Variants in PTPRD observed in about 807,000 individuals in gnomAD.
PTPRD encodes protein tyrosine phosphatase receptor type D.
A neutral mutation model predicts 214.5 loss-of-function variants in PTPRD; 34 were observed. That is an observed-to-expected ratio of 0.16 (90% CI 0.12 to 0.21). The LOEUF (loss-of-function observed/expected upper bound fraction) is 0.21, where lower values mean the gene tolerates loss of function less well. Ranked by LOEUF, PTPRD falls within the 10% of genes least tolerant of loss-of-function variation. The pLI is 1.00. For missense variants in PTPRD, 2,545 were observed against 2,398.7 expected, an observed-to-expected ratio of 1.06 and a Z score of -1.27; for synonymous variants, 1,128 against 845.7, an observed-to-expected ratio of 1.33 and a Z score of -5.79.
chr9:9,545,486 G>A lies in PTPRD; in HGVS notation c.-237+29246C>T, dbSNP rs184007415. 2.0e-3 allele frequency among the ~76,000 whole-genome samples: 297 copies of A among 151,916 alleles called. 4 individuals carry two copies. The highest frequency in any genetic ancestry group is 5.8e-3 in the African/African-American group (242 of 41,500). The stretch of plus-strand genomic sequence containing the variant: ...GTTTTTAAAATTCTATTGTTTAGAT[G>A]TGCCACACTTTATCCATTCACCTAT... On this transcript the variant is annotated intron_variant, in intron 8 of 45. Coordinates refer to ENST00000381196, the MANE Select transcript of PTPRD (RefSeq NM_002839.4).
intron 7 of PTPRD, among the ~76,000 whole-genome samples, chr9:9,616,734 T>TTAGC (rs2154349510): frequency 1.3e-5 from 2 of 152,282 alleles, no homozygotes; most frequent in Admixed American, 1.3e-4. Context: ...CACCCCTTGT[T>TTAGC]TAGCATATGA....
At chr9:8,771,083 A>C (rs1042756663) in intron 11 of PTPRD, among the ~76,000 whole-genome samples, 2 of 151,662 alleles carry the variant, frequency 1.3e-5, no homozygotes, top group Non-Finnish European at 2.9e-5. Flanking sequence ...TGGGAGGCTG[A>C]GGCAGGAGAA....
At chr9:8,550,912 C>T (rs1368469357) in intron 14 of PTPRD, among the ~76,000 whole-genome samples, 1 of 152,328 alleles carries the variant, frequency 6.6e-6, no homozygotes, top group East Asian at 1.9e-4. Flanking sequence ...TCTCCACGGG[C>T]CTGTCTTCGA....
intron 30 of PTPRD, among the ~76,000 whole-genome samples, chr9:8,481,831 G>A (rs957631342): frequency 6.6e-6 from 1 of 152,118 alleles, no homozygotes; most frequent in South Asian, 2.1e-4. Flanking sequence ...TGCTCAGGCT[G>A]AAGTGCAGTG....
chr9:9,610,913 C>G (rs982542896), intron 7 of PTPRD, among the ~76,000 whole-genome samples: 73 of 152,220 alleles, frequency 4.8e-4, no homozygotes, highest in African/African-American at 1.7e-3. Flanking sequence ...CCAGGGGCTA[C>G]CATTTCACTG....
At chr9:9,467,588 C>CAAAGAAAAAAAAAA (rs2094287005) in intron 8 of PTPRD, among the ~76,000 whole-genome samples, 1 of 55,954 alleles carries the variant, frequency 1.8e-5, no homozygotes, top group East Asian at 7.6e-4. Context: ...CTCCATCTCC[C>CAAAGAAAAAAAAAA]AAAAAAAAAA....
intron 7 of PTPRD, among the ~76,000 whole-genome samples, chr9:9,633,406 C>A (rs958405291): frequency 6.6e-6 from 1 of 151,974 alleles, no homozygotes; most frequent in Non-Finnish European, 1.5e-5. Flanking sequence ...TAGGGAGTCA[C>A]CAAATATCAA....
chr9:8,487,076 C>T (rs2097035519), intron 27 of PTPRD, among the ~76,000 whole-genome samples: 1 of 152,116 alleles, frequency 6.6e-6, no homozygotes, highest in Admixed American at 6.6e-5. Context: ...CTATCCACAT[C>T]ATTCATCAAG....
intron 3 of PTPRD, among the ~76,000 whole-genome samples, chr9:10,269,163 C>G (rs918859912): frequency 1.3e-5 from 2 of 150,976 alleles, no homozygotes; most frequent in African/African-American, 4.9e-5. Flanking sequence ...TTGAACATAC[C>G]AGATTAAACA....
intron 10 of PTPRD, among the ~76,000 whole-genome samples, chr9:9,101,066 A>G (rs1213711599): frequency 6.7e-6 from 1 of 150,270 alleles, no homozygotes; most frequent in African/African-American, 2.4e-5. Context: ...TACAAGATGT[A>G]AATATGAAAT....
At chr9:9,318,655 A>T (rs1964727454) in intron 9 of PTPRD, among the ~76,000 whole-genome samples, 1 of 152,192 alleles carries the variant, frequency 6.6e-6, no homozygotes, top group African/African-American at 2.4e-5. Flanking sequence ...CTCAAATTTC[A>T]GGATTTGATA....
At chr9:9,381,478 G>A (rs1408970371) in intron 9 of PTPRD, among the ~76,000 whole-genome samples, 4 of 149,588 alleles carry the variant, frequency 2.7e-5, no homozygotes, top group Non-Finnish European at 5.9e-5. Context: ...TTCTCACTAT[G>A]GCCTCCTGTG....
At chr9:9,969,333 ACTCT>A (rs992284771) in intron 4 of PTPRD, among the ~76,000 whole-genome samples, 6 of 151,374 alleles carry the variant, frequency 4.0e-5, no homozygotes, top group African/African-American at 1.5e-4. Context: ...GCCTCATTAA[ACTCT>A]CTCTTTCCTC....
rs758763711 is a variant in PTPRD at position 8,633,309 on chromosome 9, G to A, written c.352+8C>T. On this transcript the variant is annotated splice_region_variant and intron_variant, in intron 14 of 45. Transcript: ENST00000381196. ...GACACAAACGACAACCTTCACTTGA[G>A]CACTTACCCCGCAAAACTGTGAGTC... 1 of 1,609,650 alleles carries A rather than the reference G, an allele frequency of 6.2e-7. No homozygotes were observed. Among genetic ancestry groups the A allele is most frequent in the Non-Finnish European group, 8.5e-7 (1 of 1,177,902 alleles).
rs562205870 is a variant in PTPRD at position 8,790,173 on chromosome 9, T to C, written c.-103-56227A>G. Among the ~76,000 whole-genome samples, 199 of 151,942 alleles carry C rather than the reference T, an allele frequency of 1.3e-3. 1 individual carries two copies. The highest frequency in any genetic ancestry group is 4.7e-3 in the African/African-American group (193 of 41,468). On this transcript the variant is annotated intron_variant, in intron 11 of 45. Coordinates refer to ENST00000381196, the MANE Select transcript of PTPRD (RefSeq NM_002839.4). ...CTGGGACTACAGGCACGCATCACTATGCCTAATATTTTTTTTATTTTTTGT... is the reference window on the plus strand; with the variant it reads ...CTGGGACTACAGGCACGCATCACTACGCCTAATATTTTTTTTATTTTTTGT...
intron 9 of PTPRD, among the ~76,000 whole-genome samples, chr9:9,287,512 T>G (rs933741214): frequency 6.6e-6 from 1 of 151,878 alleles, no homozygotes; most frequent in Non-Finnish European, 1.5e-5. Context: ...AGTAGGAAAT[T>G]ACTCAGTACG....
At chr9:10,471,695 T>G (rs1219942298) in intron 2 of PTPRD, among the ~76,000 whole-genome samples, 2 of 152,148 alleles carry the variant, frequency 1.3e-5, no homozygotes, top group Non-Finnish European at 2.9e-5. Flanking sequence ...CATAAAGACT[T>G]CATGGAAATA....
intron 11 of PTPRD, among the ~76,000 whole-genome samples, chr9:8,907,599 G>A (rs1198572044): frequency 6.8e-6 from 1 of 147,360 alleles, no homozygotes; most frequent in Non-Finnish European, 1.5e-5. Flanking sequence ...GGGGAATACA[G>A]ATAAAGCAAC....
intron 12 of PTPRD, among the ~76,000 whole-genome samples, chr9:8,642,008 C>T (rs890934137): frequency 6.6e-6 from 1 of 152,196 alleles, no homozygotes; most frequent in Non-Finnish European, 1.5e-5. Context: ...GGACAAAATC[C>T]TCCCTTTCGT....
Sources: gnomAD v4.1 joint callset for allele counts (sites outside exome capture counted in the v4.1 genomes callset) on GRCh38, gnomAD v4.1.1 for gene constraint, MANE v1.5 for transcripts, NCBI Gene and HGNC (gene_info 2026-07-23, HGNC 2026-07-21) for gene names.